NIPAL3: variants seen among roughly 807,000 people sequenced by gnomAD.
NIPAL3 encodes the protein NIPA like domain containing 3, also known as NIPA-like protein 3.
Under a neutral mutation model 47.2 loss-of-function variants are expected in NIPAL3, and 41 were observed. The observed-to-expected ratio is 0.87, with a 90% CI of 0.68 to 1.13. The LOEUF is 1.13. Among genes scored for constraint, NIPAL3 ranks in the 50% most tolerant of loss-of-function variants. NIPAL3 has a pLI of 0.00. For synonymous variants in NIPAL3, 194 were observed against 209.6 expected (o/e 0.93, Z 0.64); for missense variants, 449 against 530.1 (o/e 0.85, Z 1.50).
intron 7 of NIPAL3, 143 bp downstream of exon 7, chr1:24,453,647 C>G (rs749296269): frequency 3.0e-6 from 2 of 676,498 alleles, no homozygotes; most frequent in Non-Finnish European, 5.2e-6. Flanking sequence ...ATCAGTGGCT[C>G]TGGGGAGCTG....
intron 2 of NIPAL3, among the ~76,000 whole-genome samples, chr1:24,427,539 T>C (rs985732525): frequency 6.6e-6 from 1 of 152,204 alleles, no homozygotes; most frequent in Non-Finnish European, 1.5e-5. Context: ...GTGTCCTTAG[T>C]GGAAATGTGG....
intron 6 of NIPAL3, among the ~76,000 whole-genome samples, chr1:24,450,677 G>C (rs542341666): frequency 1.7e-4 from 26 of 152,306 alleles, no homozygotes; most frequent in African/African-American, 5.8e-4. Flanking sequence ...TGAGAGGTTA[G>C]CTGACCTGCT....
intron 7 of NIPAL3, chr1:24,453,910 C>T (rs1350763724): frequency 7.2e-6 from 3 of 414,610 alleles, no homozygotes; most frequent in East Asian, 6.9e-5. Context: ...GGGATTCATT[C>T]TGATTCAAAG....
chr1:24,465,368 A>T (rs1194055253), intron 11 of NIPAL3: 1 of 152,024 alleles, frequency 6.6e-6, no homozygotes, highest in East Asian at 1.9e-4. Context: ...GTGTATGTAT[A>T]TGTGTGTTTG....
chr1:24,420,901 A>G (rs146242431), intron 2 of NIPAL3, among the ~76,000 whole-genome samples: 1 of 152,218 alleles, frequency 6.6e-6, no homozygotes, highest in Non-Finnish European at 1.5e-5. Flanking sequence ...ATATAGGTAC[A>G]ACGAATAGGT....
At chr1:24,459,674 G>A (rs941580584) in intron 9 of NIPAL3, among the ~76,000 whole-genome samples, 2 of 152,246 alleles carry the variant, frequency 1.3e-5, no homozygotes, top group Admixed American at 6.5e-5. Flanking sequence ...CTACACAGGA[G>A]GAACACACGA....
chr1:24,456,374 A>G lies in NIPAL3; in HGVS notation c.773+101A>G. 3 of 1,503,204 alleles carry G rather than the reference A, an allele frequency of 2.0e-6. No homozygotes were observed. In the East Asian group the frequency reaches 6.8e-5, roughly 34 times the overall value. The allele number at this position is 1,503,204 out of a possible 1,614,324, so 93.1% of individuals were successfully genotyped here. A position where few individuals can be genotyped will look rare whatever the true frequency, so the allele number is the denominator to read the frequency against. ...TGTGAAGCCACAAGGAGGCCAGAAC[A>G]TGCCCCAGGGCCTGGCATCCAGCAT... On this transcript the variant is annotated intron_variant, in intron 8 of 11. Transcript: ENST00000374399.
rs116219545 is a variant in NIPAL3, at chr1:24,463,946, C to T, written c.927-80C>T. ...GCCTGCAAGCCTTTTTACCTCTTTCCATCACCTGAGCCTGAAAGTGTGCCT... is the reference window on the plus strand; with the variant it reads ...GCCTGCAAGCCTTTTTACCTCTTTCTATCACCTGAGCCTGAAAGTGTGCCT... On this transcript the variant is annotated intron_variant, in intron 10 of 11. Transcript: ENST00000374399. The T allele has an allele frequency of 2.3e-3, 2,796 of 1,233,620 alleles. 42 individuals are homozygous for T. The African/African-American group carries it at 0.031, about 14-fold the overall frequency. The allele number at this position is 1,233,620 out of a possible 1,614,324, so 76.4% of individuals were successfully genotyped here.
At chr1:24,446,831 CTT>C (rs1205297259) in intron 5 of NIPAL3, among the ~76,000 whole-genome samples, 2 of 152,116 alleles carry the variant, frequency 1.3e-5, no homozygotes, top group East Asian at 3.9e-4. Context: ...ACCTCTAGGA[CTT>C]TGAGGAATCA....
At chr1:24,418,570 G>T (rs1243801534) in intron 1 of NIPAL3, among the ~76,000 whole-genome samples, 1 of 152,208 alleles carries the variant, frequency 6.6e-6, no homozygotes, top group Non-Finnish European at 1.5e-5. Flanking sequence ...TTGTGCCACT[G>T]CACTCCAGCT....
At chr1:24,446,864 G>T (rs1049436533) in intron 5 of NIPAL3, among the ~76,000 whole-genome samples, 1 of 152,132 alleles carries the variant, frequency 6.6e-6, no homozygotes, top group African/African-American at 2.4e-5. Context: ...TTCCACAATC[G>T]TTGAACTAAT....
chr1:24,471,853 C>T lies in NIPAL3; in HGVS notation c.*2668C>T, dbSNP rs891945396. 2.0e-5 allele frequency: 3 copies of T among 152,264 alleles called. No homozygotes were observed. The highest frequency in any genetic ancestry group is 2.9e-5 in the Non-Finnish European group (2 of 68,024). 9.4% of individuals were successfully genotyped at this position (152,264 alleles called of 1,614,324 possible). A position where few individuals can be genotyped will look rare whatever the true frequency, so the allele number is the denominator to read the frequency against. Reference sequence around the variant, plus strand: ...AGGTTTCACTGCTATTTATATATTTCTCCTTTCCCAAATGATTTTTCTAAA... The same window carrying T: ...AGGTTTCACTGCTATTTATATATTTTTCCTTTCCCAAATGATTTTTCTAAA... On this transcript the variant is annotated 3_prime_UTR_variant, in exon 12 of 12. Coordinates refer to ENST00000374399, the MANE Select transcript of NIPAL3 (RefSeq NM_020448.5).
chr1:24,452,290 T>G (rs1645974302), intron 6 of NIPAL3, among the ~76,000 whole-genome samples: 1 of 152,192 alleles, frequency 6.6e-6, no homozygotes, highest in Non-Finnish European at 1.5e-5. Context: ...TTTCTACTGA[T>G]AGAGCACCAG....
At chr1:24,458,630 G>A (rs1646331914) in intron 8 of NIPAL3, among the ~76,000 whole-genome samples, 1 of 152,120 alleles carries the variant, frequency 6.6e-6, no homozygotes, top group Non-Finnish European at 1.5e-5. Context: ...AGCCAAAGGT[G>A]TGAGACCATG....
At chr1:24,468,283 C>T (rs1221186040) in intron 11 of NIPAL3, among the ~76,000 whole-genome samples, 2 of 152,086 alleles carry the variant, frequency 1.3e-5, no homozygotes, top group Non-Finnish European at 2.9e-5. Context: ...CCACTGCACT[C>T]CAGCCTGGGC....
chr1:24,449,697 G>A lies in NIPAL3; in HGVS notation c.540+71G>A. On this transcript the variant is annotated intron_variant, in intron 6 of 11. Coordinates refer to ENST00000374399, the MANE Select transcript of NIPAL3 (RefSeq NM_020448.5). This position sits in a 1 kb window ranked among gnomAD's most constrained non-coding sequence, Gnocchi z 4.5. Reference sequence around the variant, plus strand: ...ATCAAGTCCTAGAAACCAGAAACGTGAATACCCAGCAATAGGGGATTCCGT... The same window carrying A: ...ATCAAGTCCTAGAAACCAGAAACGTAAATACCCAGCAATAGGGGATTCCGT... The A allele has an allele frequency of 6.6e-7, 1 of 1,516,968 alleles. No homozygotes were observed. The highest frequency in any genetic ancestry group is 8.9e-7 in the Non-Finnish European group (1 of 1,121,648). The allele number at this position is 1,516,968 out of a possible 1,614,324, so 94.0% of individuals were successfully genotyped here.
intron 2 of NIPAL3, among the ~76,000 whole-genome samples, chr1:24,434,075 T>C (rs1206913652): frequency 1.1e-4 from 17 of 152,046 alleles, no homozygotes; most frequent in Non-Finnish European, 2.9e-5. Flanking sequence ...AATGGCAAAA[T>C]GACAGAAGTC....
At chr1:24,430,497 G>A (rs1017434995) in intron 2 of NIPAL3, among the ~76,000 whole-genome samples, 2 of 152,112 alleles carry the variant, frequency 1.3e-5, no homozygotes, top group South Asian at 4.1e-4. Flanking sequence ...TGATCCACCC[G>A]CCTTGGCCTC....
chr1:24,438,919 C>T (rs1159694255), intron 2 of NIPAL3, among the ~76,000 whole-genome samples: 1 of 152,112 alleles, frequency 6.6e-6, no homozygotes, highest in Non-Finnish European at 1.5e-5. Flanking sequence ...CCAGCAATTC[C>T]ACTTACAAGA....
Sources: allele counts gnomAD v4.1 joint callset (sites outside exome capture counted in the v4.1 genomes callset), GRCh38; gene constraint gnomAD v4.1.1; non-coding constraint Gnocchi (gnomAD v3.1); transcripts MANE v1.5; gene names NCBI Gene and HGNC (gene_info 2026-07-23, HGNC 2026-07-21).